The following BTRC variants were observed in gnomAD, a reference collection of about 807,000 sequenced individuals.
BTRC encodes the protein beta-transducin repeat containing E3 ubiquitin protein ligase, also known as F-box/WD repeat-containing protein 1A.
In BTRC, 42 loss-of-function variants were observed where a neutral mutation model predicts 85.5. The observed-to-expected ratio is 0.49, with a 90% confidence interval of 0.38 to 0.64. The LOEUF is 0.64. BTRC is among the 30% of genes least tolerant of loss of function. The probability of loss-of-function intolerance (pLI) is 0.00; values close to 1 mark genes in which losing one functional copy is unlikely to be tolerated. For missense variants in BTRC, 594 were observed against 743.5 expected (o/e 0.80, Z 2.34); for synonymous variants, 255 against 263.3 (o/e 0.97, Z 0.30).
At chr10:101,407,285 T>G (rs1293679406) in intron 1 of BTRC, among the ~76,000 whole-genome samples, 1 of 152,126 alleles carries the variant, frequency 6.6e-6, no homozygotes, top group Non-Finnish European at 1.5e-5. Flanking sequence ...GAGTTTGAGG[T>G]TCTAGGGAGC....
At chr10:101,445,277 C>G (rs1363905043) in intron 2 of BTRC, among the ~76,000 whole-genome samples, 1 of 152,088 alleles carries the variant, frequency 6.6e-6, no homozygotes, top group East Asian at 1.9e-4. Context: ...AAATATGTCC[C>G]TTTTCATTCC....
chr10:101,355,440 T>G (rs1942006626), intron 1 of BTRC, among the ~76,000 whole-genome samples: 1 of 152,250 alleles, frequency 6.6e-6, no homozygotes, highest in Non-Finnish European at 1.5e-5. Context: ...CAAACTCGTA[T>G]AGTCTGATAT....
intron 1 of BTRC, among the ~76,000 whole-genome samples, chr10:101,373,747 C>T (rs1395646453): frequency 6.6e-5 from 10 of 152,022 alleles, no homozygotes; most frequent in Admixed American, 6.6e-4. Flanking sequence ...GAAACTCAGT[C>T]TTTACTAAAA....
At chr10:101,418,769 G>A (rs1325377661) in intron 1 of BTRC, among the ~76,000 whole-genome samples, 1 of 152,026 alleles carries the variant, frequency 6.6e-6, no homozygotes, top group Non-Finnish European at 1.5e-5. Context: ...AGGTAAACAT[G>A]CCATGGTGTT....
rs779896199 is a variant in BTRC, at chr10:101,430,299, A to G, written c.49-46A>G. 5.9e-6 allele frequency: 8 copies of G among 1,363,710 alleles called. No individual in the cohort carries two copies. The Admixed American group carries it at 1.1e-4, about 19-fold the overall frequency. 84.5% of individuals were successfully genotyped at this position (1,363,710 alleles called of 1,614,324 possible). Reference sequence around the variant, plus strand: ...CTTAAAAATTCCTGTAATCTGTGCCATCCTGTCTCATACTGTCCCATCTCA... The same window carrying G: ...CTTAAAAATTCCTGTAATCTGTGCCGTCCTGTCTCATACTGTCCCATCTCA... On this transcript the variant is annotated intron_variant, in intron 1 of 14. Coordinates refer to ENST00000370187, the MANE Select transcript of BTRC (RefSeq NM_033637.4).
At chr10:101,469,054 A>T (rs891554027) in intron 3 of BTRC, among the ~76,000 whole-genome samples, 25 of 152,234 alleles carry the variant, frequency 1.6e-4, no homozygotes, top group African/African-American at 5.5e-4. Flanking sequence ...GTTTATGCTT[A>T]TGTGCTTTAT....
chr10:101,515,400 T>TA (rs1275250205), intron 4 of BTRC, among the ~76,000 whole-genome samples: 2 of 152,244 alleles, frequency 1.3e-5, no homozygotes, highest in Non-Finnish European at 2.9e-5. Flanking sequence ...ATAAACATCT[T>TA]AATAGATCCA....
intron 4 of BTRC, among the ~76,000 whole-genome samples, chr10:101,513,451 C>T (rs990988901): frequency 2.0e-5 from 3 of 152,226 alleles, no homozygotes; most frequent in African/African-American, 7.2e-5. Flanking sequence ...CCCATCTCTA[C>T]ATCCAGCCTC....
intron 1 of BTRC, among the ~76,000 whole-genome samples, chr10:101,409,606 A>G (rs1161883247): frequency 1.3e-5 from 2 of 152,178 alleles, no homozygotes; most frequent in African/African-American, 4.8e-5. Context: ...CTACCTGGAC[A>G]GCATGTTACT....
Position 101,359,061 on chromosome 10 carries a change from C to T in BTRC, c.48+4833C>T, listed in dbSNP as rs146315079. On this transcript the variant is annotated intron_variant, in intron 1 of 14. Coordinates refer to ENST00000370187, the MANE Select transcript of BTRC (RefSeq NM_033637.4). ...GCATCTCTTTTTTTGAGGTTAACTT[C>T]GGAAGGCACTAACATGATCTCCTGC... 8.5e-3 allele frequency among the ~76,000 whole-genome samples: 1,288 copies of T among 152,160 alleles called. 11 individuals are homozygous for T. Among genetic ancestry groups the T allele is most frequent in the South Asian group, 0.026 (123 of 4,814 alleles).
chr10:101,525,749 G>A (rs1029059871), intron 5 of BTRC, among the ~76,000 whole-genome samples: 1 of 152,060 alleles, frequency 6.6e-6, no homozygotes, highest in African/African-American at 2.4e-5. Context: ...TATTTTTAAT[G>A]TCTTGGGGGG....
At chr10:101,513,850 A>G (rs1234876601) in intron 4 of BTRC, among the ~76,000 whole-genome samples, 1 of 152,238 alleles carries the variant, frequency 6.6e-6, no homozygotes, top group Non-Finnish European at 1.5e-5. Context: ...AAAAACTGTC[A>G]ACTTGTTTTC....
intron 3 of BTRC, among the ~76,000 whole-genome samples, chr10:101,466,239 A>ACGT (rs1171265557): frequency 6.6e-6 from 1 of 152,142 alleles, no homozygotes; most frequent in Non-Finnish European, 1.5e-5. Context: ...CATCCTGAGA[A>ACGT]CGTGGGCAGT....
intron 1 of BTRC, among the ~76,000 whole-genome samples, chr10:101,409,554 A>G (rs376740765): frequency 6.6e-6 from 1 of 152,228 alleles, no homozygotes; most frequent in Non-Finnish European, 1.5e-5. Context: ...AGTATAGCCT[A>G]CTATATACCT....
intron 1 of BTRC, among the ~76,000 whole-genome samples, chr10:101,404,855 G>A (rs765572954): frequency 5.3e-5 from 8 of 151,970 alleles, no homozygotes; most frequent in Non-Finnish European, 1.2e-4. Flanking sequence ...AAAATTAGCC[G>A]GGCGTGGTGG....
At chr10:101,548,869 A>G (rs1056111565) in intron 13 of BTRC, among the ~76,000 whole-genome samples, 6 of 152,044 alleles carry the variant, frequency 3.9e-5, no homozygotes, top group African/African-American at 1.4e-4. Flanking sequence ...CCTGGCCAAC[A>G]TGGTGAAACC....
At chr10:101,481,300 G>A (rs1311497543) in intron 4 of BTRC, among the ~76,000 whole-genome samples, 3 of 151,966 alleles carry the variant, frequency 2.0e-5, no homozygotes, top group Non-Finnish European at 4.4e-5. Context: ...CAGTTATTTG[G>A]GCCTTTAAAA....
chr10:101,358,173 C>T (rs1489686395), intron 1 of BTRC, among the ~76,000 whole-genome samples: 1 of 152,224 alleles, frequency 6.6e-6, no homozygotes, highest in East Asian at 1.9e-4. Flanking sequence ...GCAGTCATAG[C>T]TTGCTGCAGC....
At chr10:101,492,024 A>G (rs1162101640) in intron 4 of BTRC, among the ~76,000 whole-genome samples, 1 of 152,118 alleles carries the variant, frequency 6.6e-6, no homozygotes, top group Non-Finnish European at 1.5e-5. Flanking sequence ...AATGCTTGAC[A>G]GTTAAGGGTG....
Sources: allele counts gnomAD v4.1 joint callset (sites outside exome capture counted in the v4.1 genomes callset), GRCh38; gene constraint gnomAD v4.1.1; transcripts MANE v1.5; gene names NCBI Gene and HGNC (gene_info 2026-07-23, HGNC 2026-07-21).